INPP5D: variants seen among roughly 807,000 people sequenced by gnomAD.
INPP5D encodes inositol polyphosphate-5-phosphatase D.
In INPP5D, 33 loss-of-function variants were observed where a neutral mutation model predicts 122.9. That is an observed-to-expected ratio of 0.27 (90% confidence interval 0.20 to 0.36). The LOEUF (loss-of-function observed/expected upper bound fraction) is 0.36. Among genes scored for constraint, INPP5D ranks in the 10% least tolerant of loss-of-function variants. INPP5D has a pLI of 1.00. For synonymous variants in INPP5D, 584 were observed against 576.2 expected (o/e 1.01, Z -0.19); for missense variants, 1,053 against 1,412.7 (o/e 0.75, Z 4.08).
At chr2:233,159,336 G>T (rs138202645) in intron 10 of INPP5D, among the ~76,000 whole-genome samples, 1 of 152,174 alleles carries the variant, frequency 6.6e-6, no homozygotes, top group Non-Finnish European at 1.5e-5. Flanking sequence ...CATGCAGCTC[G>T]TGTGAGGCAG....
intron 5 of INPP5D, chr2:233,134,271 T>G: frequency 3.5e-6 from 1 of 282,112 alleles, no homozygotes; most frequent in Non-Finnish European, 7.1e-6. Flanking sequence ...AGCTAGGATG[T>G]GGGGGATGCA....
rs554945864 is a variant in INPP5D at position 233,128,634 on chromosome 2, C to T, written c.525-1874C>T. Among the ~76,000 whole-genome samples, 11 of 152,122 alleles carry T rather than the reference C, an allele frequency of 7.2e-5. No individual in the cohort carries two copies. Among genetic ancestry groups the T allele is most frequent in the Admixed American group, 2.6e-4 (4 of 15,266 alleles). ...CTGGGACTACAAACGCACGCCACCACGCCCAGCTAATTTTTGTATTTTTAG... is the reference window on the plus strand; with the variant it reads ...CTGGGACTACAAACGCACGCCACCATGCCCAGCTAATTTTTGTATTTTTAG... On this transcript the variant is annotated intron_variant, in intron 4 of 26. Transcript: ENST00000445964. This position sits in a 1 kb window ranked among gnomAD's most constrained non-coding sequence, Gnocchi z 4.5.
rs1694993433 is a variant in INPP5D, at chr2:233,189,315, T to A, written c.2359-535T>A. 6.6e-6 allele frequency among the ~76,000 whole-genome samples: 1 copy of A among 152,210 alleles called. No homozygotes were observed. The highest frequency in any genetic ancestry group is 1.5e-5 in the Non-Finnish European group (1 of 68,024). On this transcript the variant is annotated intron_variant, in intron 21 of 26. Coordinates refer to ENST00000445964, the MANE Select transcript of INPP5D (RefSeq NM_001017915.3). The surrounding 1 kb of genome is among the most constrained non-coding windows in gnomAD (Gnocchi z 5.6). ...ACACTCCAGGCCCAGCTGGGGGCTCTGCCAGGATGGACACAGAGGCTGCAT... is the reference window on the plus strand; with the variant it reads ...ACACTCCAGGCCCAGCTGGGGGCTCAGCCAGGATGGACACAGAGGCTGCAT...
intron 9 of INPP5D, among the ~76,000 whole-genome samples, 164 bp downstream of exon 9, chr2:233,147,758 C>G (rs561121757): frequency 6.6e-6 from 1 of 152,308 alleles, no homozygotes; most frequent in East Asian, 1.9e-4. Flanking sequence ...TCTTCCCCAC[C>G]AAGACCCAGT....
At chr2:233,067,600 G>A (rs933704707) in intron 1 of INPP5D, among the ~76,000 whole-genome samples, 1 of 152,178 alleles carries the variant, frequency 6.6e-6, no homozygotes, top group African/African-American at 2.4e-5. Flanking sequence ...AACACTTTGA[G>A]GAACAGCTAA....
chr2:233,067,904 A>G (rs77848417), intron 1 of INPP5D, among the ~76,000 whole-genome samples: 8,034 of 152,268 alleles, frequency 0.053, 557 homozygotes, highest in African/African-American at 0.16. Context: ...TTGGGTTATC[A>G]AGAGGACAAA....
chr2:233,127,504 C>T (rs996458994), intron 4 of INPP5D, among the ~76,000 whole-genome samples: 6 of 152,214 alleles, frequency 3.9e-5, no homozygotes, highest in African/African-American at 1.4e-4. Flanking sequence ...GCAAGTTAAT[C>T]AGATCTCATC....
Position 233,164,235 on chromosome 2 carries a change from G to C in INPP5D, c.1438-72G>C. 3 of 1,485,668 alleles carry C rather than the reference G, an allele frequency of 2.0e-6. No homozygotes were observed. The highest frequency in any genetic ancestry group is 2.7e-6 in the Non-Finnish European group (3 of 1,112,332). The allele number at this position is 1,485,668 out of a possible 1,614,324, so 92.0% of individuals were successfully genotyped here. On this transcript the variant is annotated intron_variant, in intron 12 of 26. Coordinates refer to ENST00000445964, the MANE Select transcript of INPP5D (RefSeq NM_001017915.3). This position sits in a 1 kb window ranked among gnomAD's most constrained non-coding sequence, Gnocchi z 4.3. ...ATACCCAGGGGCTGCGGCTGGGGCTGGGTGTGAATCACTGTGCCCTGGTTC... is the reference window on the plus strand; with the variant it reads ...ATACCCAGGGGCTGCGGCTGGGGCTCGGTGTGAATCACTGTGCCCTGGTTC...
At chr2:233,180,553 G>GT (rs1042271116) in intron 18 of INPP5D, among the ~76,000 whole-genome samples, 10 of 151,742 alleles carry the variant, frequency 6.6e-5, no homozygotes, top group Non-Finnish European at 1.5e-4. Context: ...GTTTTGTTTT[G>GT]TTTTTTGAGA....
chr2:233,187,007 C>T (rs1308889735), intron 21 of INPP5D, among the ~76,000 whole-genome samples: 1 of 151,862 alleles, frequency 6.6e-6, no homozygotes, highest in Admixed American at 6.6e-5. Context: ...TGAGCCACCG[C>T]ATCCAGCCTA....
In INPP5D at chr2:233,126,335, C is replaced by T. The variant is rs548516666; in HGVS notation, c.524+416C>T. ...AATGACAGGGCTGAAGCCGCATTTC[C>T]AACTTGAAGGATCCATCTGAGGCTG... On this transcript the variant is annotated intron_variant, in intron 4 of 26. Coordinates refer to ENST00000445964, the MANE Select transcript of INPP5D (RefSeq NM_001017915.3). Among the ~76,000 whole-genome samples, 3 of 152,314 alleles carry T rather than the reference C, an allele frequency of 2.0e-5. No homozygotes were observed. In the South Asian group the frequency reaches 6.2e-4, roughly 32 times the overall value.
intron 1 of INPP5D, among the ~76,000 whole-genome samples, chr2:233,062,184 A>T (rs1030649264): frequency 6.6e-6 from 1 of 152,148 alleles, no homozygotes; most frequent in Non-Finnish European, 1.5e-5. Context: ...GCCCAGTGGG[A>T]TCTTGTCCTG....
chr2:233,170,169 G>A lies in INPP5D; in HGVS notation c.1791+5G>A, dbSNP rs757763498. 5 of 1,612,692 alleles carry A rather than the reference G, an allele frequency of 3.1e-6. No homozygotes were observed. Among genetic ancestry groups the A allele is most frequent in the African/African-American group, 1.3e-5 (1 of 74,588 alleles). ...CGTGTGGATCTGCCTACCTGGGTAA[G>A]GGCTGCCCGCCTGGGGCTGGGGCTG... On this transcript the variant is annotated splice_donor_5th_base_variant and intron_variant, in intron 15 of 26. Transcript: ENST00000445964. This position sits in a 1 kb window ranked among gnomAD's most constrained non-coding sequence, Gnocchi z 4.5.
chr2:233,148,049 C>T (rs1354484561), intron 9 of INPP5D, among the ~76,000 whole-genome samples: 1 of 152,200 alleles, frequency 6.6e-6, no homozygotes, highest in Non-Finnish European at 1.5e-5. Context: ...TAGAGCCCAG[C>T]ATGTAGTGGC....
In INPP5D at chr2:233,146,205, G is replaced by C. The variant is rs777960388; in HGVS notation, c.797G>C (p.Ser266Thr). 4.3e-6 allele frequency: 3 copies of C among 704,260 alleles called. No homozygotes were observed. The South Asian group carries it at 4.4e-5, about 10-fold the overall frequency. 43.6% of individuals were successfully genotyped at this position (704,260 alleles called of 1,614,324 possible). A position where few individuals can be genotyped will look rare whatever the true frequency, so the allele number is the denominator to read the frequency against. ...ANPINMVSKL[S>T]QLTSLLSSIE... is the part of the protein sequence containing the mutation. ...CCCATCAACATGGTGTCCAAGCTCA[G>C]CCAACTGACAAGCCTGTTGTCGTCC... Residue 266 changes from serine to threonine, a missense_variant, in exon 7 of 27, where the codon AGC (serine) becomes ACC (threonine). Around this residue, in one of 6 missense-constraint regions of INPP5D, gnomAD observed 196 missense variants for 175.6 expected, o/e 1.12. Coordinates refer to ENST00000445964, the MANE Select transcript of INPP5D (RefSeq NM_001017915.3).
At chr2:233,070,190 C>A (rs1190716649) in intron 1 of INPP5D, among the ~76,000 whole-genome samples, 1 of 152,172 alleles carries the variant, frequency 6.6e-6, no homozygotes, top group Admixed American at 6.5e-5. Flanking sequence ...TCTACTTGCA[C>A]AAGTTTATAT....
At chr2:233,147,241 G>A (rs1372683476) in intron 8 of INPP5D, among the ~76,000 whole-genome samples, 1 of 152,114 alleles carries the variant, frequency 6.6e-6, no homozygotes, top group East Asian at 1.9e-4. Flanking sequence ...TTGGCAGAAC[G>A]GCTCCCCCAC....
chr2:233,082,693 C>T lies in INPP5D; in HGVS notation c.198+3295C>T, dbSNP rs1691721275. Among the ~76,000 whole-genome samples the T allele has an allele frequency of 6.6e-6, 1 of 152,178 alleles. No individual in the cohort carries two copies. The highest frequency in any genetic ancestry group is 6.5e-5 in the Admixed American group (1 of 15,280). ...TGTATCAATCAGGGAGAGGAGCTGC[C>T]TCACCTGGGGGACTCTTTTCTCTCA... On this transcript the variant is annotated intron_variant, in intron 2 of 26. Transcript: ENST00000445964. The surrounding 1 kb of genome is among the most constrained non-coding windows in gnomAD (Gnocchi z 4.7).
chr2:233,167,005 G>A (rs1694360053), intron 13 of INPP5D, among the ~76,000 whole-genome samples: 2 of 150,612 alleles, frequency 1.3e-5, no homozygotes, highest in South Asian at 4.2e-4. Context: ...AAAGTCCTTA[G>A]AACAACCAAG....
Sources: allele counts gnomAD v4.1 joint callset (sites outside exome capture counted in the v4.1 genomes callset), GRCh38; gene constraint gnomAD v4.1.1; regional missense constraint gnomAD v4.1.1; non-coding constraint Gnocchi (gnomAD v3.1); transcripts MANE v1.5; gene names NCBI Gene and HGNC (gene_info 2026-07-23, HGNC 2026-07-21).